Variants in RCOR1 observed in about 807,000 individuals in gnomAD.
RCOR1 encodes the protein REST corepressor 1, also known as REST corepressor.
Under a neutral mutation model 64.0 loss-of-function variants are expected in RCOR1, and 12 were observed. The ratio of observed to expected loss-of-function variants is 0.19; its 90% CI spans 0.12 to 0.30. The LOEUF (loss-of-function observed/expected upper bound fraction) is 0.30. Among genes scored for constraint, RCOR1 ranks in the 10% least tolerant of loss-of-function variants. RCOR1 has a pLI of 1.00. For missense variants in RCOR1, 502 were observed against 621.2 expected, an observed-to-expected ratio of 0.81 and a Z score of 2.04; for synonymous variants, 279 against 227.2, an observed-to-expected ratio of 1.23 and a Z score of -2.05.
At chr14:102,640,763 C>A (rs1052798382) in intron 2 of RCOR1, among the ~76,000 whole-genome samples, 2 of 151,618 alleles carry the variant, frequency 1.3e-5, no homozygotes, top group African/African-American at 2.4e-5. Flanking sequence ...ACACTTGAGC[C>A]CAGCCTGGGC....
intron 8 of RCOR1, among the ~76,000 whole-genome samples, chr14:102,717,404 C>A (rs1176131471): frequency 2.6e-5 from 4 of 152,352 alleles, no homozygotes; most frequent in Non-Finnish European, 4.4e-5. Flanking sequence ...GACCAGGACC[C>A]AAGCACACTC....
At chr14:102,724,932 T>G (rs1315504772) in intron 11 of RCOR1, among the ~76,000 whole-genome samples, 1 of 152,206 alleles carries the variant, frequency 6.6e-6, no homozygotes, top group East Asian at 1.9e-4. Context: ...TTTTATGTAT[T>G]ATGCAGAAGC....
intron 2 of RCOR1, among the ~76,000 whole-genome samples, chr14:102,672,748 A>G (rs1369250626): frequency 6.6e-6 from 1 of 152,248 alleles, no homozygotes; most frequent in Non-Finnish European, 1.5e-5. Context: ...AAGTCAGATA[A>G]TAACAAGTGT....
intron 9 of RCOR1, 67 bp from the exon 10 acceptor site, chr14:102,721,253 G>A (rs369613851): frequency 1.7e-4 from 244 of 1,401,988 alleles, no homozygotes; most frequent in Non-Finnish European, 2.3e-4. Flanking sequence ...TGAAAGGTTC[G>A]TTAAGCTCAT....
At chr14:102,716,761 T>C (rs530436753) in intron 8 of RCOR1, among the ~76,000 whole-genome samples, 3 of 152,360 alleles carry the variant, frequency 2.0e-5, no homozygotes, top group Non-Finnish European at 2.9e-5. Flanking sequence ...ATTAATTTAG[T>C]TATCTGGTGT....
At chr14:102,624,841 G>A (rs1893949340) in intron 2 of RCOR1, among the ~76,000 whole-genome samples, 1 of 151,696 alleles carries the variant, frequency 6.6e-6, no homozygotes, top group South Asian at 2.1e-4. Flanking sequence ...GGCAAATAAG[G>A]GGGAAACTGT....
At chr14:102,628,726 G>C (rs763270667) in intron 2 of RCOR1, among the ~76,000 whole-genome samples, 17 of 152,190 alleles carry the variant, frequency 1.1e-4, no homozygotes, top group Non-Finnish European at 2.4e-4. Flanking sequence ...GCCAATTTTT[G>C]TATTTTTAGT....
chr14:102,648,671 T>G (rs117281876), intron 2 of RCOR1, among the ~76,000 whole-genome samples: 1,931 of 152,324 alleles, frequency 0.013, 20 homozygotes, highest in Non-Finnish European at 0.022. Context: ...ACCATGAATT[T>G]TACCACAAAT....
chr14:102,707,773 A>G (rs1445554445), intron 5 of RCOR1, among the ~76,000 whole-genome samples: 1 of 63,624 alleles, frequency 1.6e-5, no homozygotes, highest in Non-Finnish European at 2.9e-5. Context: ...TGGGACTCCC[A>G]AAAGATTAGA....
At chr14:102,664,353 C>T (rs1307674925) in intron 2 of RCOR1, among the ~76,000 whole-genome samples, 1 of 152,024 alleles carries the variant, frequency 6.6e-6, no homozygotes, top group African/African-American at 2.4e-5. Context: ...GACCTCAAAT[C>T]GTCTACCCGC....
At chr14:102,596,563 T>A (rs1480702483) in intron 2 of RCOR1, among the ~76,000 whole-genome samples, 1 of 152,098 alleles carries the variant, frequency 6.6e-6, no homozygotes, top group Non-Finnish European at 1.5e-5. Flanking sequence ...CTTGTTTTTT[T>A]CTTTTTTCTT....
chr14:102,646,614 C>T (rs1197757448), intron 2 of RCOR1, among the ~76,000 whole-genome samples: 2 of 152,190 alleles, frequency 1.3e-5, no homozygotes, highest in Non-Finnish European at 2.9e-5. Flanking sequence ...AAGACAATGC[C>T]TGATTGGCTT....
intron 2 of RCOR1, 58 bp from the exon 3 acceptor site, chr14:102,681,837 T>C: frequency 8.0e-7 from 1 of 1,245,240 alleles, no homozygotes; most frequent in East Asian, 2.5e-5. Context: ...TATTGTTACT[T>C]ATAGCTTATT....
chr14:102,718,617 G>A lies in RCOR1; in HGVS notation c.1054-2390G>A, dbSNP rs117696865. On this transcript the variant is annotated intron_variant, in intron 8 of 11. Coordinates refer to ENST00000262241, the MANE Select transcript of RCOR1 (RefSeq NM_015156.4). ...GGGTGGTGTCTAGGTAGGGCGTCAG[G>A]ACAAGTGGATGGCTTTTCTTTTTCA... is the stretch of plus-strand genomic sequence containing the variant. Among the ~76,000 whole-genome samples, 628 of 152,288 alleles carry A rather than the reference G, an allele frequency of 4.1e-3. 2 individuals are homozygous for A. The highest frequency in any genetic ancestry group is 4.3e-3 in the Non-Finnish European group (290 of 68,028).
At chr14:102,676,493 A>C (rs1434180305) in intron 2 of RCOR1, among the ~76,000 whole-genome samples, 1 of 33,136 alleles carries the variant, frequency 3.0e-5, no homozygotes. Flanking sequence ...CCTCCCGGAC[A>C]GGGCGGCTGG....
intron 2 of RCOR1, among the ~76,000 whole-genome samples, chr14:102,617,780 G>T (rs1265858065): frequency 6.6e-6 from 1 of 151,532 alleles, no homozygotes; most frequent in African/African-American, 2.4e-5. Context: ...AGTAGAGACG[G>T]GGTTTCACCA....
chr14:102,637,554 G>T (rs902836288), intron 2 of RCOR1, among the ~76,000 whole-genome samples: 2 of 152,128 alleles, frequency 1.3e-5, no homozygotes, highest in African/African-American at 4.8e-5. Context: ...GGGCTTAGGT[G>T]ATCCTCCCAT....
intron 2 of RCOR1, among the ~76,000 whole-genome samples, chr14:102,632,057 G>C (rs779617781): frequency 6.6e-6 from 1 of 150,974 alleles, no homozygotes; most frequent in Admixed American, 6.6e-5. Flanking sequence ...TAGTCTGCAC[G>C]CCTTGGCCTC....
At chr14:102,651,334 C>T (rs554965406) in intron 2 of RCOR1, among the ~76,000 whole-genome samples, 2 of 152,044 alleles carry the variant, frequency 1.3e-5, no homozygotes. Flanking sequence ...GAAGGCGGAT[C>T]ATGAGGTCAG....
Sources: allele counts gnomAD v4.1 joint callset (sites outside exome capture counted in the v4.1 genomes callset), GRCh38; gene constraint gnomAD v4.1.1; transcripts MANE v1.5; gene names NCBI Gene and HGNC (gene_info 2026-07-23, HGNC 2026-07-21).